AZGP1: variants seen among roughly 807,000 people sequenced by gnomAD.
The protein encoded by AZGP1 is alpha-2-glycoprotein 1, zinc-binding.
In AZGP1, 28 loss-of-function variants were observed where a neutral mutation model predicts 31.5. The observed-to-expected ratio is 0.89, with a 90% CI of 0.66 to 1.22. AZGP1 has a LOEUF of 1.22. Among genes scored for constraint, AZGP1 ranks in the 50% most tolerant of loss-of-function variants. AZGP1 has a pLI of 0.00. For missense variants in AZGP1, 361 were observed against 371.8 expected, an observed-to-expected ratio of 0.97 and a Z score of 0.24; for synonymous variants, 135 against 145.4, an observed-to-expected ratio of 0.93 and a Z score of 0.51.
chr7:99,968,871 G>A (rs1002131571), intron 2 of AZGP1: 1 of 159,038 alleles, frequency 6.3e-6, no homozygotes, highest in African/African-American at 2.5e-5. Flanking sequence ...GCTGAGGTGG[G>A]AGGATCACTT....
chr7:99,972,014 A>G lies in AZGP1; in HGVS notation c.77-8T>C. On this transcript the variant is annotated splice_region_variant and splice_polypyrimidine_tract_variant and intron_variant, in intron 1 of 3. Coordinates refer to ENST00000292401, the MANE Select transcript of AZGP1 (RefSeq NM_001185.4). Reference sequence around the variant, plus strand: ...AGGTCAGAGAGTAACGACCTGCAAAAGAAAAGATTCTGATGGTTGAGGTCC... The same window carrying G: ...AGGTCAGAGAGTAACGACCTGCAAAGGAAAAGATTCTGATGGTTGAGGTCC... 3.1e-6 allele frequency: 5 copies of G among 1,598,516 alleles called. No homozygotes were observed. The highest frequency in any genetic ancestry group is 3.4e-6 in the Non-Finnish European group (4 of 1,171,066).
chr7:99,968,118 C>G, intron 3 of AZGP1, 37 bp downstream of exon 3: 1 of 1,611,696 alleles, frequency 6.2e-7, no homozygotes, highest in South Asian at 1.1e-5. Flanking sequence ...GTCTTTTATT[C>G]TGGGCTCAGT....
intron 2 of AZGP1, chr7:99,968,733 C>T (rs1373234937): frequency 1.4e-5 from 5 of 366,566 alleles, no homozygotes; most frequent in Non-Finnish European, 2.4e-5. Flanking sequence ...GAAGCTGAAG[C>T]GAGTGGATCG....
intron 3 of AZGP1, chr7:99,967,503 A>C (rs539520113): frequency 6.7e-6 from 4 of 594,824 alleles, no homozygotes; most frequent in African/African-American, 5.6e-5. Context: ...CTCTGACGGC[A>C]ATAAGTTGTG....
chr7:99,966,784 T>C lies in AZGP1; in HGVS notation c.*219A>G. ...AGCTTCTACAGATTAGACAATGGGG[T>C]GGGGGTGGGCTCAAGGTGAGATGAT... On this transcript the variant is annotated 3_prime_UTR_variant, in exon 4 of 4. Transcript: ENST00000292401. The C allele has an allele frequency of 1.9e-6, 1 of 521,626 alleles. No homozygotes were observed. Among genetic ancestry groups the C allele is most frequent in the South Asian group, 2.2e-5 (1 of 46,252 alleles). The allele number at this position is 521,626 out of a possible 1,614,324, so 32.3% of individuals were successfully genotyped here. A position where few individuals can be genotyped will look rare whatever the true frequency, so the allele number is the denominator to read the frequency against.
Position 99,967,167 on chromosome 7 carries a change from C to G in AZGP1, c.733G>C (p.Val245Leu), listed in dbSNP as rs757503983. 6.2e-7 allele frequency: 1 copy of G among 1,614,180 alleles called. No homozygotes were observed. The highest frequency in any genetic ancestry group is 8.5e-7 in the Non-Finnish European group (1 of 1,180,022). Residue 245 changes from valine (V) to leucine (L), a missense_variant, in exon 4 of 4, where the codon GTG (valine) becomes CTG (leucine). By Grantham distance (32) the Val-to-Leu change is conservative. Coordinates refer to ENST00000292401, the MANE Select transcript of AZGP1 (RefSeq NM_001185.4). Reference protein sequence around the residue: ...IDVHWTRAGEVQEPELRGDVL... With the variant: ...IDVHWTRAGELQEPELRGDVL... ...TCTCCCCGTAACTCAGGCTCCTGCA[C>G]CTCGCCGGCCCGAGTCCAGTGCACA...
chr7:99,968,036 TG>T (rs1293123076), intron 3 of AZGP1, 118 bp downstream of exon 3: 6 of 1,319,058 alleles, frequency 4.5e-6, no homozygotes, highest in Non-Finnish European at 6.4e-6. Context: ...AGATGAAAGC[TG>T]GGGGTCTGAG....
chr7:99,968,313 G>A lies in AZGP1; in HGVS notation c.455C>T (p.Pro152Leu). 1 of 1,613,672 alleles carries A rather than the reference G, an allele frequency of 6.2e-7. No homozygotes were observed. Among genetic ancestry groups the A allele is most frequent in the Non-Finnish European group, 8.5e-7 (1 of 1,179,938 alleles). ...KDYIEFNKEI[P>L]AWVPFDPAAQ... is the part of the protein sequence containing the mutation. ...TGCTGGGTCGAAGGGGACCCAGGCT[G>A]GGATTTCTTTGTTGAATTCAATGTA... Residue 152 changes from proline (P) to leucine (L), a missense_variant, in exon 3 of 4, where the codon CCA (proline) becomes CTA (leucine). Physicochemically the swap from Pro to Leu is moderately conservative, Grantham distance 98. Coordinates refer to ENST00000292401, the MANE Select transcript of AZGP1 (RefSeq NM_001185.4).
At chr7:99,970,469 C>T (rs1425693111) in intron 2 of AZGP1, among the ~76,000 whole-genome samples, 1 of 152,126 alleles carries the variant, frequency 6.6e-6, no homozygotes, top group Admixed American at 6.6e-5. Context: ...TCTCGAACTC[C>T]TGACCTTAGG....
Position 99,968,319 on chromosome 7 carries a change from T to G in AZGP1, c.449A>C (p.Glu150Ala). 6.2e-7 allele frequency: 1 copy of G among 1,613,810 alleles called. No homozygotes were observed. The highest frequency in any genetic ancestry group is 8.5e-7 in the Non-Finnish European group (1 of 1,179,984). ...DGKDYIEFNK[E>A]IPAWVPFDPA... is the part of the protein sequence containing the mutation. ...GTCGAAGGGGACCCAGGCTGGGATT[T>G]CTTTGTTGAATTCAATGTAGTCCTT... The change falls in exon 3 of 4, where the codon GAA becomes GCA. Residue 150 changes from glutamate to alanine, a missense_variant. Glu to Ala is a moderately radical substitution (Grantham distance 107). Coordinates refer to ENST00000292401, the MANE Select transcript of AZGP1 (RefSeq NM_001185.4).
intron 2 of AZGP1, among the ~76,000 whole-genome samples, chr7:99,969,791 A>G (rs1179306294): frequency 6.6e-6 from 1 of 152,202 alleles, no homozygotes; most frequent in African/African-American, 2.4e-5. Flanking sequence ...AAGAGTTCAT[A>G]TCATCACCTA....
chr7:99,968,593 T>C, intron 2 of AZGP1, 163 bp from the exon 3 acceptor site: 1 of 861,908 alleles, frequency 1.2e-6, no homozygotes, highest in Non-Finnish European at 1.8e-6. Context: ...CTCCAATATA[T>C]ACAACAGACA....
At chr7:99,971,350 C>G (rs1789572311) in intron 2 of AZGP1, among the ~76,000 whole-genome samples, 1 of 152,212 alleles carries the variant, frequency 6.6e-6, no homozygotes, top group East Asian at 1.9e-4. Flanking sequence ...GGCAGAACCA[C>G]CAGGTGAGCC....
At chr7:99,972,746 A>T (rs1179280700) in intron 1 of AZGP1, among the ~76,000 whole-genome samples, 1 of 152,212 alleles carries the variant, frequency 6.6e-6, no homozygotes, top group African/African-American at 2.4e-5. Flanking sequence ...CCAGAGAGGC[A>T]GAGGTTGCAA....
At chr7:99,973,907 A>G (rs1003523476) in intron 1 of AZGP1, among the ~76,000 whole-genome samples, 1 of 144,092 alleles carries the variant, frequency 6.9e-6, no homozygotes, top group Non-Finnish European at 1.5e-5. Flanking sequence ...CTCTGTCACA[A>G]AAAAAAAAAA....
chr7:99,968,099 C>G (rs936860612), intron 3 of AZGP1, 56 bp downstream of exon 3: 3 of 1,599,436 alleles, frequency 1.9e-6, no homozygotes, highest in Non-Finnish European at 2.6e-6. Context: ...GAGCTCCTAG[C>G]CTGAGATCGT....
In AZGP1 at chr7:99,968,341, C is replaced by G. The variant is rs1195895154; in HGVS notation, c.427G>C (p.Asp143His). 8.7e-6 allele frequency: 14 copies of G among 1,613,632 alleles called. No individual in the cohort carries two copies. Among genetic ancestry groups the G allele is most frequent in the Non-Finnish European group, 1.2e-5 (14 of 1,179,950 alleles). Residue 143 changes from aspartate (D) to histidine (H), a missense_variant, in exon 3 of 4, where the codon GAC (aspartate) becomes CAC (histidine). Transcript: ENST00000292401. ...AFWKYYYDGKDYIEFNKEIPA... is the reference protein window; with the variant it reads ...AFWKYYYDGKHYIEFNKEIPA... ...ATTTCTTTGTTGAATTCAATGTAGT[C>G]CTTTCCATCATAGTAATATTTCCAG... is the stretch of plus-strand genomic sequence containing the variant.
At chr7:99,968,989 A>AAAAAAAAAAAAC in intron 2 of AZGP1, among the ~76,000 whole-genome samples, 1 of 149,514 alleles carries the variant, frequency 6.7e-6, no homozygotes, top group Non-Finnish European at 1.5e-5. Flanking sequence ...AAAAAAAAAA[A>AAAAAAAAAAAAC]AGCACCAGGC....
chr7:99,971,275 T>G (rs1789571578), intron 2 of AZGP1, among the ~76,000 whole-genome samples: 1 of 152,248 alleles, frequency 6.6e-6, no homozygotes, highest in Non-Finnish European at 1.5e-5. Flanking sequence ...TAGGTCTCAG[T>G]GCTCCAATGT....
Sources: allele counts gnomAD v4.1 joint callset (sites outside exome capture counted in the v4.1 genomes callset), GRCh38; gene constraint gnomAD v4.1.1; transcripts MANE v1.5; gene names NCBI Gene and HGNC (gene_info 2026-07-23, HGNC 2026-07-21).